Variants in MVB12B observed in about 807,000 individuals in gnomAD.
MVB12B encodes the protein ESCRT-I complex subunit MVB12B.
MVB12B carries 16 observed loss-of-function variants against 41.6 expected under a neutral mutation model. The observed-to-expected ratio is 0.38, with a 90% CI of 0.26 to 0.58. The LOEUF is 0.58. Among genes scored for constraint, MVB12B ranks in the 20% least tolerant of loss-of-function variants. The pLI, the probability that MVB12B is intolerant of heterozygous loss-of-function variation, is 0.62. For synonymous variants in MVB12B, 133 were observed against 139.7 expected (o/e 0.95, Z 0.34); for missense variants, 274 against 380.2 (o/e 0.72, Z 2.32).
chr9:126,474,584 C>T (rs1170302846), intron 7 of MVB12B, among the ~76,000 whole-genome samples: 2 of 152,164 alleles, frequency 1.3e-5, no homozygotes, highest in Admixed American at 1.3e-4. Context: ...CTCCCTAGCT[C>T]CCCAGCAAGT....
Position 126,479,648 on chromosome 9 carries a change from C to T in MVB12B, c.758-1721C>T, listed in dbSNP as rs372476637. Among the ~76,000 whole-genome samples the T allele has an allele frequency of 4.6e-5, 7 of 152,316 alleles. No individual in the cohort carries two copies. In the South Asian group the frequency reaches 1.5e-3, roughly 32 times the overall value. ...CCGTCAGCTCACAGCAGGTTGCCAG[C>T]ACCACCTGAAATGGGAGAAGGCCTC... is the stretch of plus-strand genomic sequence containing the variant. On this transcript the variant is annotated intron_variant, in intron 7 of 9. Coordinates refer to ENST00000361171, the MANE Select transcript of MVB12B (RefSeq NM_033446.3).
At chr9:126,427,341 C>T (rs529599839) in intron 7 of MVB12B, among the ~76,000 whole-genome samples, 2 of 152,176 alleles carry the variant, frequency 1.3e-5, no homozygotes, top group South Asian at 2.1e-4. Context: ...CTGGAGACCT[C>T]GGGGAATGTC....
intron 7 of MVB12B, among the ~76,000 whole-genome samples, chr9:126,470,611 G>A (rs1564342811): frequency 6.6e-6 from 1 of 151,248 alleles, no homozygotes; most frequent in Non-Finnish European, 1.5e-5. Context: ...ACAGTCTTCT[G>A]TGTAGAGATG....
chr9:126,371,481 A>G (rs1830337635), intron 2 of MVB12B, among the ~76,000 whole-genome samples: 1 of 152,192 alleles, frequency 6.6e-6, no homozygotes, highest in Non-Finnish European at 1.5e-5. Flanking sequence ...CACCTCTACA[A>G]GGGCTTTTGC....
intron 7 of MVB12B, among the ~76,000 whole-genome samples, chr9:126,472,032 A>G (rs887653): frequency 0.87 from 132,842 of 151,830 alleles, 58,361 homozygotes; most frequent in East Asian, 1. Flanking sequence ...TTTATCAAGC[A>G]TGTTGAAATT....
chr9:126,395,515 T>C lies in MVB12B; in HGVS notation c.540-60T>C. 6.3e-7 allele frequency: 1 copy of C among 1,586,978 alleles called. No homozygotes were observed. The highest frequency in any genetic ancestry group is 8.6e-7 in the Non-Finnish European group (1 of 1,163,654). On this transcript the variant is annotated intron_variant, in intron 5 of 9. Transcript: ENST00000361171. This position sits in a 1 kb window ranked among gnomAD's most constrained non-coding sequence, Gnocchi z 4.9. ...CTTTTAAATGAATTGGTTTGCTTTG[T>C]CACTCAGGTAAATGCTTTGTGCTAA...
intron 6 of MVB12B, among the ~76,000 whole-genome samples, chr9:126,406,143 A>C (rs774834150): frequency 2.0e-5 from 3 of 151,878 alleles, no homozygotes; most frequent in Non-Finnish European, 4.4e-5. Context: ...ATCCAAGGGC[A>C]GAGAGTTAGG....
chr9:126,444,814 A>G (rs1488714688), intron 7 of MVB12B, among the ~76,000 whole-genome samples: 2 of 152,184 alleles, frequency 1.3e-5, no homozygotes, highest in East Asian at 3.8e-4. Context: ...TTATTGTCCC[A>G]GCATCACTTG....
chr9:126,468,273 C>T lies in MVB12B; in HGVS notation c.758-13096C>T, dbSNP rs1833238459. Among the ~76,000 whole-genome samples, 2 of 152,168 alleles carry T rather than the reference C, an allele frequency of 1.3e-5. No individual in the cohort carries two copies. The stretch of plus-strand genomic sequence containing the variant: ...CACCCTCACATCCCCGCCCGCCAGG[C>T]CTCATTTCTGGATCTCCACCCGGCA... On this transcript the variant is annotated intron_variant, in intron 7 of 9. Transcript: ENST00000361171. This position sits in a 1 kb window ranked among gnomAD's most constrained non-coding sequence, Gnocchi z 4.3.
At chr9:126,466,512 C>T (rs1168620189) in intron 7 of MVB12B, among the ~76,000 whole-genome samples, 2 of 152,142 alleles carry the variant, frequency 1.3e-5, no homozygotes, top group African/African-American at 2.4e-5. Context: ...GGCACACATA[C>T]GCGGATAGTG....
chr9:126,369,193 T>A (rs1204458844), intron 2 of MVB12B, among the ~76,000 whole-genome samples: 1 of 152,162 alleles, frequency 6.6e-6, no homozygotes. Flanking sequence ...AGAAAGGTAT[T>A]TGTTGTTTGT....
At chr9:126,382,656 G>A (rs960460696) in intron 3 of MVB12B, among the ~76,000 whole-genome samples, 5 of 152,244 alleles carry the variant, frequency 3.3e-5, no homozygotes, top group East Asian at 3.9e-4. Flanking sequence ...AGTAGAGGCC[G>A]AAGAGGCTTC....
intron 2 of MVB12B, among the ~76,000 whole-genome samples, chr9:126,341,117 C>T (rs1010857644): frequency 4.6e-5 from 7 of 152,156 alleles, no homozygotes; most frequent in Admixed American, 2.6e-4. Flanking sequence ...TTAGGAGAAC[C>T]CACGCTCTGA....
intron 6 of MVB12B, among the ~76,000 whole-genome samples, chr9:126,408,762 T>G (rs77643931): frequency 0.12 from 18,864 of 152,116 alleles, 1,567 homozygotes; most frequent in East Asian, 0.38. Context: ...TTTGGTCACG[T>G]AGAATCACAT....
chr9:126,442,714 G>A (rs1832670227), intron 7 of MVB12B, among the ~76,000 whole-genome samples: 2 of 152,196 alleles, frequency 1.3e-5, no homozygotes, highest in African/African-American at 2.4e-5. Context: ...TTATAGTAGA[G>A]GGAAGAGTGA....
At chr9:126,346,005 G>T (rs1041487999) in intron 2 of MVB12B, among the ~76,000 whole-genome samples, 1 of 152,210 alleles carries the variant, frequency 6.6e-6, no homozygotes, top group African/African-American at 2.4e-5. Context: ...GGCTCCATCA[G>T]GTGAGAGGTG....
chr9:126,452,405 A>G (rs1832903490), intron 7 of MVB12B, among the ~76,000 whole-genome samples: 1 of 152,202 alleles, frequency 6.6e-6, no homozygotes, highest in African/African-American at 2.4e-5. Flanking sequence ...ACTCAGCTCC[A>G]GACGTGTGCA....
chr9:126,384,815 G>A (rs1175703742), intron 3 of MVB12B, among the ~76,000 whole-genome samples: 1 of 148,162 alleles, frequency 6.7e-6, no homozygotes, highest in Non-Finnish European at 1.5e-5. Flanking sequence ...TTACAGGCAT[G>A]AGCCACCATG....
chr9:126,490,763 A>G (rs1833715109), intron 9 of MVB12B, among the ~76,000 whole-genome samples: 1 of 152,238 alleles, frequency 6.6e-6, no homozygotes, highest in Non-Finnish European at 1.5e-5. Context: ...GACATATTTA[A>G]TGAAGAAGTT....
Sources: allele counts gnomAD v4.1 joint callset (sites outside exome capture counted in the v4.1 genomes callset), GRCh38; gene constraint gnomAD v4.1.1; non-coding constraint Gnocchi (gnomAD v3.1); transcripts MANE v1.5; gene names NCBI Gene and HGNC (gene_info 2026-07-23, HGNC 2026-07-21).